The following FYB1 variants were observed in gnomAD, a reference collection of about 807,000 sequenced individuals.
FYB1 encodes the protein FYN binding protein 1, also known as FYN-binding protein 1.
Under a neutral mutation model 94.1 loss-of-function variants are expected in FYB1, and 41 were observed. The observed-to-expected ratio is 0.44, with a 90% CI of 0.34 to 0.57. The LOEUF (loss-of-function observed/expected upper bound fraction) is 0.57, where lower values mean the gene tolerates loss of function less well. Ranked by LOEUF, FYB1 falls within the 20% of genes least tolerant of loss-of-function variation. The pLI, the probability that FYB1 is intolerant of heterozygous loss-of-function variation, is 0.02. For missense variants in FYB1, 1,050 were observed against 976.8 expected (o/e 1.07, Z -1.00); for synonymous variants, 367 against 353.2 (o/e 1.04, Z -0.44).
chr5:39,215,350 C>T (rs1007557641), intron 1 of FYB1, among the ~76,000 whole-genome samples: 1 of 152,118 alleles, frequency 6.6e-6, no homozygotes, highest in Admixed American at 6.5e-5. Flanking sequence ...CTCTCACTGA[C>T]TACTTTTTTT....
chr5:39,206,020 T>C (rs910970421), intron 1 of FYB1, among the ~76,000 whole-genome samples: 3 of 152,250 alleles, frequency 2.0e-5, no homozygotes, highest in Non-Finnish European at 4.4e-5. Context: ...TATTTCTCTA[T>C]GTGACCAAAT....
rs3805575 is a variant in FYB1 at position 39,105,857 on chromosome 5, C to T, written c.*1586G>A. On this transcript the variant is annotated 3_prime_UTR_variant, in exon 19 of 19. Coordinates refer to ENST00000512982, the MANE Select transcript of FYB1 (RefSeq NM_001465.6). ...TCTTTGGAGATTAGTGGCATCTAATCTTGGGGCCTCAGACACCCAAAATCT... is the reference window on the plus strand; with the variant it reads ...TCTTTGGAGATTAGTGGCATCTAATTTTGGGGCCTCAGACACCCAAAATCT... 20 of 152,198 alleles carry T rather than the reference C, an allele frequency of 1.3e-4. No individual in the cohort carries two copies. In the East Asian group the frequency reaches 3.3e-3, roughly 25 times the overall value. The allele number at this position is 152,198 out of a possible 1,614,324, so 9.4% of individuals were successfully genotyped here.
At position 39,139,249 on chromosome 5, in the gene FYB1, G is replaced by C. The variant is rs1741937046; in HGVS notation, c.1343C>G (p.Ala448Gly). 2.1e-6 allele frequency: 3 copies of C among 1,456,150 alleles called. No individual in the cohort carries two copies. Among genetic ancestry groups the C allele is most frequent in the Admixed American group, 2.2e-5 (1 of 46,296 alleles). 90.2% of individuals were successfully genotyped at this position (1,456,150 alleles called of 1,614,324 possible). A position where few individuals can be genotyped will look rare whatever the true frequency, so the allele number is the denominator to read the frequency against. The change falls in exon 5 of 19, where the codon GCT becomes GGT. Residue 448 changes from alanine to glycine, a missense_variant. Physicochemically the swap from Ala to Gly is moderately conservative, Grantham distance 60. Transcript: ENST00000512982. ...NQDGVTHSDGAGNLDEEQDSE... is the reference protein window; with the variant it reads ...NQDGVTHSDGGGNLDEEQDSE... ...AAATCTGACCTCATCTAGATTTCCA[G>C]CACCTAAAAGATTAAAAAAATAAAA...
upstream of FYB1, among the ~76,000 whole-genome samples, chr5:39,219,925 T>C (rs534418929): frequency 1.3e-5 from 2 of 152,114 alleles, no homozygotes; most frequent in African/African-American, 2.4e-5. Context: ...AAAGGTCCAC[T>C]GGAGCATGTG....
intron 16 of FYB1, among the ~76,000 whole-genome samples, chr5:39,114,146 T>C (rs916799131): frequency 1.3e-5 from 2 of 151,974 alleles, no homozygotes; most frequent in African/African-American, 4.8e-5. Flanking sequence ...ATGGAGAGCA[T>C]TTTGGCCACA....
At chr5:39,252,196 A>G (rs1245023289) in intron 1 of FYB1, among the ~76,000 whole-genome samples, 1 of 152,006 alleles carries the variant, frequency 6.6e-6, no homozygotes, top group African/African-American at 2.4e-5. Context: ...ATAAAATAAA[A>G]TATAGATGGC....
At chr5:39,182,485 A>C (rs534891917) in intron 2 of FYB1, among the ~76,000 whole-genome samples, 34 of 152,282 alleles carry the variant, frequency 2.2e-4, no homozygotes, top group African/African-American at 7.2e-4. Flanking sequence ...GTTAATATAA[A>C]ATTTTAATTA....
rs201908118 is a variant in FYB1, at chr5:39,134,196, A to G, written c.1817+12T>C. ...CAGTTTGATCTGTTCTACAATACGT[A>G]CTTGCACATACCTGCTAATATCATC... On this transcript the variant is annotated intron_variant, in intron 9 of 18. Transcript: ENST00000512982. 174 of 1,601,024 alleles carry G rather than the reference A, an allele frequency of 1.1e-4. No individual in the cohort carries two copies. In the African/African-American group the frequency reaches 2.0e-3, roughly 18 times the overall value.
chr5:39,172,495 C>T lies in FYB1; in HGVS notation c.1136-18891G>A, dbSNP rs149849044. Among the ~76,000 whole-genome samples, 39 of 152,158 alleles carry T rather than the reference C, an allele frequency of 2.6e-4. No homozygotes were observed. In the East Asian group the frequency reaches 7.0e-3, roughly 27 times the overall value. On this transcript the variant is annotated intron_variant, in intron 2 of 18. Coordinates refer to ENST00000512982, the MANE Select transcript of FYB1 (RefSeq NM_001465.6). ...CTTTAATTCTAGATTAGAGGGTACA[C>T]ATGCAGGTTTGTTACATGGGTGTAT...
intron 1 of FYB1, among the ~76,000 whole-genome samples, chr5:39,225,892 T>A (rs1367253272): frequency 6.6e-6 from 1 of 152,198 alleles, no homozygotes; most frequent in African/African-American, 2.4e-5. Flanking sequence ...TTGGTTCCAC[T>A]TTTTTAATAG....
At chr5:39,111,919 G>T (rs6869300) in intron 16 of FYB1, among the ~76,000 whole-genome samples, 48,291 of 151,742 alleles carry the variant, frequency 0.32, 8,318 homozygotes, top group Non-Finnish European at 0.39. Flanking sequence ...AAGTATTAAT[G>T]TAAGAACACC....
At chr5:39,212,984 T>C (rs1366332544) in intron 1 of FYB1, 1 of 151,272 alleles carries the variant, frequency 6.6e-6, no homozygotes, top group Non-Finnish European at 1.5e-5. Context: ...CTAAAAGTGC[T>C]TTTCTTGGCG....
At chr5:39,138,762 A>T (rs1057254041) in intron 5 of FYB1, 71 bp from the exon 6 acceptor site, 25 of 888,158 alleles carry the variant, frequency 2.8e-5, no homozygotes, top group Non-Finnish European at 4.0e-5. Flanking sequence ...TACATTGCTT[A>T]GACTTAAAAT....
intron 1 of FYB1, among the ~76,000 whole-genome samples, chr5:39,251,786 G>A (rs908330668): frequency 1.3e-5 from 2 of 150,580 alleles, no homozygotes; most frequent in African/African-American, 2.4e-5. Flanking sequence ...AGGAATGAGG[G>A]ACACTAGTTC....
At chr5:39,142,386 C>T (rs907042906) in intron 3 of FYB1, among the ~76,000 whole-genome samples, 9 of 152,090 alleles carry the variant, frequency 5.9e-5, no homozygotes, top group African/African-American at 1.7e-4. Flanking sequence ...TTTCTTAACC[C>T]ACAAACTCAT....
chr5:39,259,777 G>C (rs1752138204), intron 1 of FYB1, among the ~76,000 whole-genome samples: 1 of 152,058 alleles, frequency 6.6e-6, no homozygotes, highest in African/African-American at 2.4e-5. Flanking sequence ...AGGAACGTGG[G>C]GGATAAGAGA....
intron 1 of FYB1, among the ~76,000 whole-genome samples, chr5:39,232,414 G>A (rs1382595774): frequency 6.6e-6 from 1 of 152,028 alleles, no homozygotes; most frequent in Non-Finnish European, 1.5e-5. Flanking sequence ...TGTGCAGCAG[G>A]TCTCAGAAAT....
intron 1 of FYB1, among the ~76,000 whole-genome samples, chr5:39,241,830 CTTT>C (rs34776914): frequency 0.16 from 24,311 of 147,738 alleles, 5,198 homozygotes; most frequent in African/African-American, 0.47. Context: ...AGTTTAAGCT[CTTT>C]TTTTTTTTTT....
Position 39,169,487 on chromosome 5 carries a change from C to T in FYB1, c.1136-15883G>A, listed in dbSNP as rs534028098. On this transcript the variant is annotated intron_variant, in intron 2 of 18. Coordinates refer to ENST00000512982, the MANE Select transcript of FYB1 (RefSeq NM_001465.6). Reference sequence around the variant, plus strand: ...CATTGACAATTTCAGACATATTAATCGAAGACCCGTTACTACTACTTCCAG... The same window carrying T: ...CATTGACAATTTCAGACATATTAATTGAAGACCCGTTACTACTACTTCCAG... The T allele has an allele frequency of 2.9e-5, 19 of 654,454 alleles. 1 individual carries two copies. Among genetic ancestry groups the T allele is most frequent in the South Asian group, 1.3e-4 (9 of 71,660 alleles). The allele number at this position is 654,454 out of a possible 1,614,324, so 40.5% of individuals were successfully genotyped here.
Sources: gnomAD v4.1 joint callset for allele counts (sites outside exome capture counted in the v4.1 genomes callset) on GRCh38, gnomAD v4.1.1 for gene constraint, MANE v1.5 for transcripts, NCBI Gene and HGNC (gene_info 2026-07-23, HGNC 2026-07-21) for gene names.